The following ACMSD variants were observed in gnomAD, a reference collection of about 807,000 sequenced individuals.
The protein encoded by ACMSD is 2-amino-3-carboxymuconate-6-semialdehyde decarboxylase.
In ACMSD, 37 loss-of-function variants were observed where a neutral mutation model predicts 45.9. That is an observed-to-expected ratio of 0.81 (90% CI 0.62 to 1.06). The LOEUF (loss-of-function observed/expected upper bound fraction) is 1.06. Among genes scored for constraint, ACMSD ranks in the 50% least tolerant of loss-of-function variants. The probability of loss-of-function intolerance (pLI) is 0.00; values close to 1 mark genes in which losing one functional copy is unlikely to be tolerated. For missense variants in ACMSD, 434 were observed against 420.9 expected (o/e 1.03, Z -0.27); for synonymous variants, 138 against 148.8 (o/e 0.93, Z 0.53).
intron 7 of ACMSD, among the ~76,000 whole-genome samples, 179 bp from the exon 8 acceptor site, chr2:134,872,290 T>C (rs918421542): frequency 3.3e-5 from 5 of 152,204 alleles, no homozygotes; most frequent in South Asian, 2.1e-4. Context: ...TTCTCAAATC[T>C]GAATTTCTAG....
At chr2:134,876,542 C>T (rs1366620796) in intron 8 of ACMSD, among the ~76,000 whole-genome samples, 2 of 152,130 alleles carry the variant, frequency 1.3e-5, no homozygotes, top group African/African-American at 4.8e-5. Context: ...ACATCTTGTC[C>T]CACTGGAAGG....
chr2:134,872,037 C>T (rs1433214938), intron 7 of ACMSD, among the ~76,000 whole-genome samples: 1 of 151,140 alleles, frequency 6.6e-6, no homozygotes, highest in African/African-American at 2.4e-5. Flanking sequence ...GCTCACTGCA[C>T]CCTCCACCTC....
chr2:134,871,173 C>T, intron 7 of ACMSD, 113 bp downstream of exon 7: 1 of 968,814 alleles, frequency 1.0e-6, no homozygotes, highest in Non-Finnish European at 1.6e-6. Flanking sequence ...GCTAGAAGTC[C>T]AAGATCAAGG....
At chr2:134,888,385 G>A (rs912468560) in intron 8 of ACMSD, among the ~76,000 whole-genome samples, 1 of 152,098 alleles carries the variant, frequency 6.6e-6, no homozygotes, top group East Asian at 1.9e-4. Flanking sequence ...TATGAGCAAG[G>A]ATGTAAAACA....
chr2:134,843,355 T>C (rs2121337), intron 1 of ACMSD, among the ~76,000 whole-genome samples: 32,711 of 152,050 alleles, frequency 0.22, 3,989 homozygotes, highest in Middle Eastern at 0.58. Flanking sequence ...TTTCTAAAGG[T>C]AATATGATAA....
intron 9 of ACMSD, 49 bp downstream of exon 9, chr2:134,898,488 A>G: frequency 7.2e-7 from 1 of 1,388,452 alleles, no homozygotes; most frequent in Non-Finnish European, 9.7e-7. Context: ...TTCCTGCTCT[A>G]ATTGGGTTTG....
chr2:134,867,218 G>A, intron 5 of ACMSD: 1 of 158,746 alleles, frequency 6.3e-6, no homozygotes, highest in Non-Finnish European at 1.4e-5. Flanking sequence ...AAATGTAGGG[G>A]AAATTTTCCC....
intron 2 of ACMSD, among the ~76,000 whole-genome samples, chr2:134,853,388 T>C (rs542823986): frequency 1.3e-5 from 2 of 152,094 alleles, no homozygotes; most frequent in East Asian, 3.9e-4. Context: ...GTGTGTTATC[T>C]GGATAGTAAT....
At chr2:134,847,882 G>A (rs1479069988) in intron 2 of ACMSD, among the ~76,000 whole-genome samples, 5 of 145,954 alleles carry the variant, frequency 3.4e-5, no homozygotes, top group African/African-American at 1.0e-4. Context: ...ATGGAGTTTC[G>A]CTCTTGTCAC....
chr2:134,879,871 A>T (rs1688941752), intron 8 of ACMSD, among the ~76,000 whole-genome samples: 1 of 152,176 alleles, frequency 6.6e-6, no homozygotes, highest in Admixed American at 6.5e-5. Flanking sequence ...AACCTGCTGC[A>T]CATCTGTCAT....
intron 8 of ACMSD, among the ~76,000 whole-genome samples, chr2:134,880,092 A>T (rs1437187436): frequency 2.0e-5 from 3 of 152,210 alleles, no homozygotes; most frequent in East Asian, 3.9e-4. Context: ...CAATGACCTA[A>T]TTGTTTGGCT....
chr2:134,901,756 A>C, intron 9 of ACMSD, 42 bp from the exon 10 acceptor site: 1 of 1,513,420 alleles, frequency 6.6e-7, no homozygotes, highest in East Asian at 2.3e-5. Flanking sequence ...AGTACTTAAA[A>C]AACAACCAAT....
chr2:134,838,724 G>A lies in ACMSD; in HGVS notation c.42G>A (p.Trp14Ter). The change falls in exon 1 of 10, where the codon TGG (tryptophan) becomes TGA (stop). Residue 14 changes from tryptophan (W) to a stop codon, truncating the protein, a stop_gained. Transcript: ENST00000356140. LOFTEE classifies it high-confidence loss of function. ...DIHSHILPKEWPDLKKRFGYG... is the reference protein window; with the variant it reads ...DIHSHILPKE Reference sequence around the variant, plus strand: ...ATAGTCATATTCTACCAAAAGAATGGCCAGATCTAAAAAAGGTAATGGTAA... The same window carrying A: ...ATAGTCATATTCTACCAAAAGAATGACCAGATCTAAAAAAGGTAATGGTAA... The A allele has an allele frequency of 6.2e-7, 1 of 1,611,176 alleles. No individual in the cohort carries two copies. Among genetic ancestry groups the A allele is most frequent in the Non-Finnish European group, 8.5e-7 (1 of 1,177,876 alleles).
At position 134,872,491 on chromosome 2, in the gene ACMSD, G is replaced by A. The variant is rs1183207728; in HGVS notation, c.699G>A (p.Val233=). The change falls in exon 8 of 10, where the codon GTG becomes GTA. Residue 233 remains valine (V), a synonymous_variant. Coordinates refer to ENST00000356140, the MANE Select transcript of ACMSD (RefSeq NM_138326.3). Reference sequence around the variant, plus strand: ...CAGGTGGTGCCTTCCCCTTCACAGTGGGAAGAATCTCCCATGGATTCAGCA... The same window carrying A: ...CAGGTGGTGCCTTCCCCTTCACAGTAGGAAGAATCTCCCATGGATTCAGCA... The part of the protein sequence containing the change: ...AHGGGAFPFT[V]GRISHGFSMR... 1.1e-5 allele frequency: 18 copies of A among 1,614,120 alleles called. No homozygotes were observed. Among genetic ancestry groups the A allele is most frequent in the Non-Finnish European group, 1.5e-5 (18 of 1,180,020 alleles).
chr2:134,862,063 T>C (rs1687875917), intron 4 of ACMSD, 45 bp downstream of exon 4: 2 of 1,611,310 alleles, frequency 1.2e-6, no homozygotes, highest in Non-Finnish European at 1.7e-6. Flanking sequence ...TGAAGGTTCG[T>C]GTTGAGCTCC....
intron 9 of ACMSD, among the ~76,000 whole-genome samples, chr2:134,900,759 G>A (rs775237265): frequency 6.6e-6 from 1 of 152,188 alleles, no homozygotes; most frequent in Non-Finnish European, 1.5e-5. Flanking sequence ...ATTCTACCAT[G>A]AAGATGTGGA....
chr2:134,869,772 G>T (rs1163682420), intron 6 of ACMSD, among the ~76,000 whole-genome samples: 1 of 151,918 alleles, frequency 6.6e-6, no homozygotes, highest in African/African-American at 2.4e-5. Flanking sequence ...TGGATGCAAA[G>T]GTGGTCATTA....
At chr2:134,848,659 T>C (rs1446767780) in intron 2 of ACMSD, among the ~76,000 whole-genome samples, 5 of 152,224 alleles carry the variant, frequency 3.3e-5, no homozygotes, top group East Asian at 1.9e-4. Flanking sequence ...AAGTTCCTTA[T>C]AGATTCTGGA....
chr2:134,893,203 C>G (rs553476003), intron 8 of ACMSD, among the ~76,000 whole-genome samples: 1 of 141,438 alleles, frequency 7.1e-6, no homozygotes, highest in Non-Finnish European at 1.5e-5. Flanking sequence ...CAATATATCA[C>G]ACTGCATTTT....
Sources: allele counts gnomAD v4.1 joint callset (sites outside exome capture counted in the v4.1 genomes callset), GRCh38; gene constraint gnomAD v4.1.1; transcripts MANE v1.5; gene names NCBI Gene and HGNC (gene_info 2026-07-23, HGNC 2026-07-21).